Variants in SPEF2 observed in about 807,000 individuals in gnomAD.
SPEF2 encodes sperm flagella and cilia-associated protein 2.
In SPEF2, 187 loss-of-function variants were observed where a neutral mutation model predicts 224.6. The observed-to-expected ratio is 0.83, with a 90% CI of 0.74 to 0.94. SPEF2 has a LOEUF of 0.94. Ranked by LOEUF, SPEF2 falls within the 40% of genes least tolerant of loss-of-function variation. The pLI is 0.00. For synonymous variants in SPEF2, 715 were observed against 707.3 expected, an observed-to-expected ratio of 1.01 and a Z score of -0.17; for missense variants, 2,170 against 2,135.6, an observed-to-expected ratio of 1.02 and a Z score of -0.32.
At chr5:35,804,301 A>T (rs1443217804) in intron 34 of SPEF2, among the ~76,000 whole-genome samples, 2 of 152,252 alleles carry the variant, frequency 1.3e-5, no homozygotes, top group African/African-American at 4.8e-5. Flanking sequence ...GCCAAGTGTG[A>T]CATAGTGCTT....
At chr5:35,654,488 C>T (rs1446181138) in intron 6 of SPEF2, 52 bp from the exon 7 acceptor site, 4 of 1,403,344 alleles carry the variant, frequency 2.9e-6, no homozygotes, top group Non-Finnish European at 3.8e-6. Context: ...CAGATAGTGG[C>T]ATGGGATCAC....
intron 30 of SPEF2, among the ~76,000 whole-genome samples, chr5:35,785,728 C>CTT (rs200122881): frequency 3.5e-5 from 5 of 141,506 alleles, no homozygotes; most frequent in East Asian, 2.1e-4. Context: ...CTTCTCTTTT[C>CTT]TTTTTTTTTT....
chr5:35,652,394 G>A (rs935468063), intron 6 of SPEF2, among the ~76,000 whole-genome samples: 1 of 152,040 alleles, frequency 6.6e-6, no homozygotes, highest in Non-Finnish European at 1.5e-5. Context: ...GATTTTTGAT[G>A]AAAGATCTAA....
At position 35,763,579 on chromosome 5, in the gene SPEF2, A is replaced by T. The variant is rs766608580; in HGVS notation, c.3678A>T (p.Lys1226Asn). 3 of 1,612,886 alleles carry T rather than the reference A, an allele frequency of 1.9e-6. No homozygotes were observed. The highest frequency in any genetic ancestry group is 2.5e-6 in the Non-Finnish European group (3 of 1,179,672). Residue 1226 changes from lysine (K) to asparagine (N), a missense_variant, in exon 26 of 37, where the codon AAA becomes AAT. Physicochemically the swap from Lys to Asn is moderately conservative, Grantham distance 94 (BLOSUM62 0). Transcript: ENST00000356031. ...ISLETVTPKPKTKSVLKGKMD... is the reference protein window; with the variant it reads ...ISLETVTPKPNTKSVLKGKMD... ...TGGAAACAGTTACACCCAAACCAAA[A>T]ACAAAATCAGTACTGAAGGGCAAGA...
intron 30 of SPEF2, among the ~76,000 whole-genome samples, chr5:35,783,121 A>T (rs1237730361): frequency 6.6e-6 from 1 of 152,218 alleles, no homozygotes; most frequent in South Asian, 2.1e-4. Flanking sequence ...TGAGCGTACT[A>T]CCGGCAGAGT....
chr5:35,720,422 T>C (rs7703605), intron 20 of SPEF2, among the ~76,000 whole-genome samples: 6,705 of 152,310 alleles, frequency 0.044, 256 homozygotes, highest in African/African-American at 0.092. Context: ...GAGTCCTGTA[T>C]GTTTTTTTAT....
At chr5:35,670,391 T>C (rs1476861407) in intron 10 of SPEF2, 164 bp downstream of exon 10, 62 of 1,368,310 alleles carry the variant, frequency 4.5e-5, no homozygotes, top group Non-Finnish European at 5.4e-5. Flanking sequence ...TTTTAGATGC[T>C]TAAACTATAC....
Position 35,654,531 on chromosome 5 carries a change from T to C in SPEF2, c.792-9T>C. On this transcript the variant is annotated splice_polypyrimidine_tract_variant and intron_variant, in intron 6 of 36. Transcript: ENST00000356031. ...TTTAAAAATCTAAAATAAAAACTATTATTCTTAGTGCATCCAAGACTTCTT... is the reference window on the plus strand; with the variant it reads ...TTTAAAAATCTAAAATAAAAACTATCATTCTTAGTGCATCCAAGACTTCTT... 6.4e-7 allele frequency: 1 copy of C among 1,550,582 alleles called. No homozygotes were observed. The highest frequency in any genetic ancestry group is 1.4e-5 in the African/African-American group (1 of 71,988).
At chr5:35,753,540 G>A (rs1750001075) in intron 23 of SPEF2, 84 bp from the exon 24 acceptor site, 1 of 1,580,572 alleles carries the variant, frequency 6.3e-7, no homozygotes, top group Non-Finnish European at 8.6e-7. Context: ...TTTTAAGAGA[G>A]GCAAAGGATT....
At chr5:35,781,983 G>T (rs1054967973) in intron 30 of SPEF2, among the ~76,000 whole-genome samples, 4 of 152,078 alleles carry the variant, frequency 2.6e-5, no homozygotes, top group Non-Finnish European at 5.9e-5. Context: ...CATTGACAAT[G>T]GCCCTGCCTG....
At position 35,628,538 on chromosome 5, in the gene SPEF2, A is replaced by AT. The variant is rs1177965226; in HGVS notation, c.142dup (p.Ser48PhefsTer14). The AT allele has an allele frequency of 1.9e-6, 3 of 1,612,884 alleles. No individual in the cohort carries two copies. Among genetic ancestry groups the AT allele is most frequent in the Non-Finnish European group, 2.5e-6 (3 of 1,179,052 alleles). Reference sequence around the variant, plus strand: ...CTACACAAGTTTGAACTTCAGGATGATTTTTCAGAATTTTTGGACAGCAGG... The same window carrying AT: ...CTACACAAGTTTGAACTTCAGGATGATTTTTTCAGAATTTTTGGACAGCAGG... On this transcript the variant is annotated frameshift_variant, in exon 2 of 37. Coordinates refer to ENST00000356031, the MANE Select transcript of SPEF2 (RefSeq NM_024867.4). LOFTEE classifies it high-confidence loss of function.
At chr5:35,807,335 T>G in intron 36 of SPEF2, 82 bp downstream of exon 36, 1 of 1,523,128 alleles carries the variant, frequency 6.6e-7, no homozygotes, top group Non-Finnish European at 8.8e-7. Flanking sequence ...TGAGCTGGCA[T>G]GGAAGAGAAA....
chr5:35,646,086 T>C lies in SPEF2; in HGVS notation c.586-581T>C, dbSNP rs1219807674. 2.0e-5 allele frequency among the ~76,000 whole-genome samples: 3 copies of C among 152,306 alleles called. No homozygotes were observed. In the East Asian group the frequency reaches 5.8e-4, roughly 29 times the overall value. On this transcript the variant is annotated intron_variant, in intron 4 of 36. Transcript: ENST00000356031. ...CTTTTCAAATACATTCTCCTGCTTA[T>C]AGTCTTCTTAAAATAACTACTGCCT...
chr5:35,660,145 G>A (rs1042382470), intron 8 of SPEF2, among the ~76,000 whole-genome samples: 6 of 151,906 alleles, frequency 3.9e-5, no homozygotes, highest in Admixed American at 2.6e-4. Context: ...CAAACTTTAT[G>A]TATATGTGAG....
rs1176560015 is a variant in SPEF2 at position 35,751,041 on chromosome 5, A to G, written c.3331-2583A>G. 1.9e-4 allele frequency among the ~76,000 whole-genome samples: 6 copies of G among 31,832 alleles called. No individual in the cohort carries two copies. The South Asian group carries it at 5.7e-3, about 30-fold the overall frequency. 20.9% of individuals were successfully genotyped at this position (31,832 alleles called of 152,430 possible). Reference sequence around the variant, plus strand: ...TATATATACGTATATATATACACATATGTATATATATATACGTATATATAT... The same window carrying G: ...TATATATACGTATATATATACACATGTGTATATATATATACGTATATATAT... On this transcript the variant is annotated intron_variant, in intron 23 of 36. Coordinates refer to ENST00000356031, the MANE Select transcript of SPEF2 (RefSeq NM_024867.4).
At chr5:35,809,097 G>A (rs1216107022) in intron 36 of SPEF2, among the ~76,000 whole-genome samples, 1 of 151,888 alleles carries the variant, frequency 6.6e-6, no homozygotes, top group Non-Finnish European at 1.5e-5. Flanking sequence ...ATATTCAAAG[G>A]GTGGTGGTGA....
chr5:35,708,697 A>G (rs75296710), intron 18 of SPEF2, among the ~76,000 whole-genome samples: 152 of 84,488 alleles, frequency 1.8e-3, no homozygotes, highest in Non-Finnish European at 2.5e-3. Flanking sequence ...CTCCATCACC[A>G]TCACCACCAC....
rs544508121 is a variant in SPEF2 at position 35,682,035 on chromosome 5, A to G, written c.1525-9002A>G. 4.6e-5 allele frequency among the ~76,000 whole-genome samples: 7 copies of G among 152,304 alleles called. No homozygotes were observed. The South Asian group carries it at 6.2e-4, about 14-fold the overall frequency. ...TACAACTACTTCTGAGGCTGCTAGT[A>G]CAAGTCTTAACTTTAAGTATTACAA... On this transcript the variant is annotated intron_variant, in intron 10 of 36. Transcript: ENST00000356031.
intron 3 of SPEF2, chr5:35,643,392 A>T: frequency 4.7e-6 from 2 of 424,114 alleles, no homozygotes; most frequent in Admixed American, 5.2e-5. Flanking sequence ...GACTTTGGAG[A>T]TGAGGAAGAG....
Sources: gnomAD v4.1 joint callset for allele counts (sites outside exome capture counted in the v4.1 genomes callset) on GRCh38, gnomAD v4.1.1 for gene constraint, MANE v1.5 for transcripts, NCBI Gene and HGNC (gene_info 2026-07-23, HGNC 2026-07-21) for gene names.